The following PTPRD variants were observed in gnomAD, a reference collection of about 807,000 sequenced individuals.
PTPRD encodes the protein receptor-type tyrosine-protein phosphatase delta.
In PTPRD, 34 loss-of-function variants were observed where a neutral mutation model predicts 214.5. That is an observed-to-expected ratio of 0.16 (90% CI 0.12 to 0.21). PTPRD has a LOEUF of 0.21. PTPRD is among the 10% of genes least tolerant of loss of function. PTPRD has a pLI of 1.00. For missense variants in PTPRD, 2,545 were observed against 2,398.7 expected (o/e 1.06, Z -1.27); for synonymous variants, 1,128 against 845.7 (o/e 1.33, Z -5.79).
intron 2 of PTPRD, among the ~76,000 whole-genome samples, chr9:10,438,008 C>CATAT (rs71485332): frequency 0.034 from 4,297 of 125,064 alleles, 189 homozygotes; most frequent in East Asian, 0.077. Context: ...CCTAAGTCTA[C>CATAT]ATATATATAT....
In PTPRD at chr9:9,871,209, G is replaced by T. The variant is rs189741253; in HGVS notation, c.-368+67298C>A. On this transcript the variant is annotated intron_variant, in intron 5 of 45. Transcript: ENST00000381196. ...CATTAAGAAATTACAATATAAAATAGAATAAACCAATTACAAGTCAAACAA... is the reference window on the plus strand; with the variant it reads ...CATTAAGAAATTACAATATAAAATATAATAAACCAATTACAAGTCAAACAA... 2.0e-4 allele frequency among the ~76,000 whole-genome samples: 31 copies of T among 152,120 alleles called. 1 individual carries two copies. The highest frequency in any genetic ancestry group is 7.2e-4 in the African/African-American group (30 of 41,534).
chr9:9,079,772 G>A (rs1372293240), intron 10 of PTPRD, among the ~76,000 whole-genome samples: 1 of 151,980 alleles, frequency 6.6e-6, no homozygotes, highest in Non-Finnish European at 1.5e-5. Context: ...TGTACTTTAA[G>A]GAGTATTAGA....
intron 9 of PTPRD, among the ~76,000 whole-genome samples, chr9:9,287,600 T>G (rs1949918316): frequency 6.6e-6 from 1 of 151,918 alleles, no homozygotes; most frequent in African/African-American, 2.4e-5. Flanking sequence ...TCTAAATGCT[T>G]GTGGATAGAT....
chr9:9,326,385 T>A (rs1040177496), intron 9 of PTPRD, among the ~76,000 whole-genome samples: 15 of 152,212 alleles, frequency 9.9e-5, no homozygotes, highest in African/African-American at 3.6e-4. Context: ...TAACAAAGAA[T>A]TATGAAATAT....
chr9:8,445,548 T>C (rs1401712224), intron 34 of PTPRD, among the ~76,000 whole-genome samples: 3 of 152,134 alleles, frequency 2.0e-5, no homozygotes, highest in African/African-American at 7.2e-5. Flanking sequence ...TGATAAATGT[T>C]CCCGTATATT....
chr9:10,229,323 A>C (rs2099600187), intron 3 of PTPRD, among the ~76,000 whole-genome samples: 1 of 152,014 alleles, frequency 6.6e-6, no homozygotes, highest in Admixed American at 6.6e-5. Context: ...AACTAGCAAT[A>C]CCATTTGACC....
chr9:8,586,249 G>C (rs1045861283), intron 14 of PTPRD, among the ~76,000 whole-genome samples: 5 of 145,784 alleles, frequency 3.4e-5, no homozygotes, highest in Non-Finnish European at 6.0e-5. Flanking sequence ...GCGGTGAGCT[G>C]AGATTGCACC....
intron 39 of PTPRD, among the ~76,000 whole-genome samples, chr9:8,374,592 T>C (rs1045576486): frequency 1.3e-5 from 2 of 152,014 alleles, no homozygotes; most frequent in African/African-American, 2.4e-5. Context: ...TTCTTAGTTA[T>C]CAGTACTTGA....
At chr9:9,334,102 T>C (rs1218913534) in intron 9 of PTPRD, among the ~76,000 whole-genome samples, 1 of 152,024 alleles carries the variant, frequency 6.6e-6, no homozygotes, top group East Asian at 1.9e-4. Context: ...AATGTATACT[T>C]CATATTAAGT....
intron 31 of PTPRD, among the ~76,000 whole-genome samples, chr9:8,470,307 A>T (rs1050321929): frequency 9.2e-5 from 14 of 152,102 alleles, no homozygotes; most frequent in African/African-American, 3.4e-4. Flanking sequence ...CTTGTTCTTC[A>T]TGTTATGCAT....
At chr9:10,160,690 A>T (rs2099122367) in intron 3 of PTPRD, among the ~76,000 whole-genome samples, 1 of 151,958 alleles carries the variant, frequency 6.6e-6, no homozygotes. Flanking sequence ...CATTTTCACC[A>T]CTTTTATTTA....
At chr9:8,362,159 G>A (rs1286925473) in intron 39 of PTPRD, among the ~76,000 whole-genome samples, 1 of 152,296 alleles carries the variant, frequency 6.6e-6, no homozygotes, top group East Asian at 1.9e-4. Flanking sequence ...TTTTAAAGAT[G>A]TGTTTATTCC....
At chr9:9,205,978 T>C (rs1301868502) in intron 9 of PTPRD, among the ~76,000 whole-genome samples, 1 of 152,174 alleles carries the variant, frequency 6.6e-6, no homozygotes, top group Non-Finnish European at 1.5e-5. Flanking sequence ...GGGGTTATTT[T>C]ATCTTGGGTT....
At chr9:9,927,676 A>G (rs900119951) in intron 5 of PTPRD, among the ~76,000 whole-genome samples, 1 of 152,138 alleles carries the variant, frequency 6.6e-6, no homozygotes, top group Non-Finnish European at 1.5e-5. Flanking sequence ...TGGATAAATT[A>G]CAAGTATATT....
rs143476382 is a variant in PTPRD, at chr9:9,837,723, G to A, written c.-367-70872C>T. Among the ~76,000 whole-genome samples the A allele has an allele frequency of 3.2e-4, 48 of 151,898 alleles. 1 individual carries two copies. Among genetic ancestry groups the A allele is most frequent in the Non-Finnish European group, 6.3e-4 (43 of 67,872 alleles). On this transcript the variant is annotated intron_variant, in intron 5 of 45. Coordinates refer to ENST00000381196, the MANE Select transcript of PTPRD (RefSeq NM_002839.4). ...ATCCTAACCAGACTGGTATGACTTT[G>A]GCTGTGTTTTCTGTTCTCTGTCCTT...
intron 4 of PTPRD, among the ~76,000 whole-genome samples, chr9:9,956,207 T>C (rs1176026689): frequency 1.3e-5 from 2 of 152,040 alleles, no homozygotes; most frequent in African/African-American, 4.8e-5. Context: ...TACTTTTTGT[T>C]CTTTATGGGG....
In PTPRD at chr9:9,718,473, A is replaced by G. The variant is rs993103816; in HGVS notation, c.-287+16060T>C. On this transcript the variant is annotated intron_variant, in intron 7 of 45. Transcript: ENST00000381196. ...GATCCCAGTGGGAGCCCTGCGCCCA[A>G]CTAAATAGTGAGGTGGGAGCTCCTG... Among the ~76,000 whole-genome samples the G allele has an allele frequency of 3.8e-4, 58 of 152,270 alleles. 1 individual carries two copies. The highest frequency in any genetic ancestry group is 1.4e-3 in the African/African-American group (57 of 41,568).
At chr9:8,703,379 C>A (rs2098132429) in intron 12 of PTPRD, among the ~76,000 whole-genome samples, 1 of 152,150 alleles carries the variant, frequency 6.6e-6, no homozygotes, top group Non-Finnish European at 1.5e-5. Context: ...TTCCACTTCT[C>A]CCTTAAAAAT....
At chr9:8,398,382 T>A (rs2091697870) in intron 36 of PTPRD, among the ~76,000 whole-genome samples, 1 of 151,988 alleles carries the variant, frequency 6.6e-6, no homozygotes, top group Non-Finnish European at 1.5e-5. Context: ...AGGAAAGAGG[T>A]TCCTGAGCAG....
Sources: gnomAD v4.1 joint callset for allele counts (sites outside exome capture counted in the v4.1 genomes callset) on GRCh38, gnomAD v4.1.1 for gene constraint, MANE v1.5 for transcripts, NCBI Gene and HGNC (gene_info 2026-07-23, HGNC 2026-07-21) for gene names.